Variants in DZIP3 observed in about 807,000 individuals in gnomAD.
DZIP3 encodes DAZ interacting zinc finger protein 3, also known as E3 ubiquitin-protein ligase DZIP3.
A neutral mutation model predicts 162.0 loss-of-function variants in DZIP3; 118 were observed. The ratio of observed to expected loss-of-function variants is 0.73; its 90% CI spans 0.63 to 0.85. The LOEUF (loss-of-function observed/expected upper bound fraction) is 0.85, where lower values mean the gene tolerates loss of function less well. Ranked by LOEUF, DZIP3 falls within the 40% of genes least tolerant of loss-of-function variation. DZIP3 has a pLI of 0.00. For synonymous variants in DZIP3, 438 were observed against 458.6 expected (o/e 0.96, Z 0.57); for missense variants, 1,331 against 1,407.0 (o/e 0.95, Z 0.86).
intron 8 of DZIP3, 30 bp from the exon 9 acceptor site, chr3:108,632,923 A>G: frequency 8.1e-7 from 1 of 1,233,522 alleles, no homozygotes; most frequent in Non-Finnish European, 1.1e-6. Flanking sequence ...TTAGTAATTC[A>G]TGAGAATTCT....
chr3:108,675,699 T>C, intron 24 of DZIP3, 87 bp from the exon 25 acceptor site: 7 of 1,154,766 alleles, frequency 6.1e-6, no homozygotes, highest in Non-Finnish European at 6.0e-6. Context: ...TGTTGACATA[T>C]ATGCTAGAAA....
At chr3:108,599,267 A>G (rs1176675909) in intron 1 of DZIP3, among the ~76,000 whole-genome samples, 1 of 152,194 alleles carries the variant, frequency 6.6e-6, no homozygotes, top group Non-Finnish European at 1.5e-5. Flanking sequence ...ACTTTTGCAA[A>G]GATTTTTCCA....
At chr3:108,690,980 C>CACATAGTTT in intron 32 of DZIP3, 77 bp downstream of exon 32, 1 of 1,238,062 alleles carries the variant, frequency 8.1e-7, no homozygotes, top group Non-Finnish European at 1.2e-6. Flanking sequence ...AAACTATGTG[C>CACATAGTTT]TCTTCAATAT....
chr3:108,661,853 A>G (rs781221241), intron 19 of DZIP3, 24 bp from the exon 20 acceptor site: 39 of 1,575,832 alleles, frequency 2.5e-5, no homozygotes, highest in Non-Finnish European at 3.4e-5. Flanking sequence ...AAAATAATAC[A>G]TGCATATTTC....
rs372386158 is a variant in DZIP3, at chr3:108,662,079, T to C, written c.2296-51T>C. The C allele has an allele frequency of 3.8e-6, 6 of 1,568,546 alleles. No homozygotes were observed. The African/African-American group carries it at 8.3e-5, about 22-fold the overall frequency. On this transcript the variant is annotated intron_variant, in intron 20 of 32. Coordinates refer to ENST00000361582, the MANE Select transcript of DZIP3 (RefSeq NM_014648.4). ...AACTTAGTTTGCTTTTTTCTTTCAA[T>C]TTCTGGTGACTTGAACATAATTATC...
chr3:108,690,445 T>C (rs1944650635), intron 31 of DZIP3, among the ~76,000 whole-genome samples: 1 of 152,212 alleles, frequency 6.6e-6, no homozygotes, highest in Non-Finnish European at 1.5e-5. Context: ...TATGACTTTT[T>C]CTGGATTATA....
chr3:108,688,167 A>T, intron 29 of DZIP3, 71 bp downstream of exon 29: 1 of 1,563,366 alleles, frequency 6.4e-7, no homozygotes, highest in Non-Finnish European at 8.7e-7. Flanking sequence ...TGTTTTAAAT[A>T]TCTCCATAAC....
intron 18 of DZIP3, among the ~76,000 whole-genome samples, chr3:108,653,538 T>C (rs1357730013): frequency 6.9e-6 from 1 of 145,434 alleles, no homozygotes; most frequent in Non-Finnish European, 1.5e-5. Flanking sequence ...TATATATATA[T>C]ATATGTAGTA....
chr3:108,594,923 C>G (rs1340953667), intron 1 of DZIP3, among the ~76,000 whole-genome samples: 1 of 152,060 alleles, frequency 6.6e-6, no homozygotes, highest in East Asian at 1.9e-4. Context: ...AAGACAGTAG[C>G]TAAAGTAAAC....
intron 21 of DZIP3, among the ~76,000 whole-genome samples, chr3:108,668,127 G>A (rs1943757433): frequency 6.6e-6 from 1 of 152,040 alleles, no homozygotes; most frequent in African/African-American, 2.4e-5. Context: ...TTTGGTATGT[G>A]CAGTAAATGT....
intron 11 of DZIP3, among the ~76,000 whole-genome samples, chr3:108,637,290 G>A (rs1467182679): frequency 6.6e-6 from 1 of 151,992 alleles, no homozygotes; most frequent in African/African-American, 2.4e-5. Context: ...GTGATATAAA[G>A]TAGAACTGCT....
intron 8 of DZIP3, among the ~76,000 whole-genome samples, chr3:108,631,055 ACTCTCTCTCTCT>A (rs1270598841): frequency 5.6e-5 from 1 of 18,006 alleles, no homozygotes. Context: ...ACACACACAC[ACTCTCTCTCTCT>A]CTCTCTCTCT....
chr3:108,662,980 G>C (rs1359001252), intron 21 of DZIP3, among the ~76,000 whole-genome samples: 1 of 152,180 alleles, frequency 6.6e-6, no homozygotes, highest in Admixed American at 6.5e-5. Flanking sequence ...AGGGAGAATA[G>C]AAAAGTGCTT....
chr3:108,658,713 G>C (rs1280360547), intron 19 of DZIP3, among the ~76,000 whole-genome samples: 82 of 152,146 alleles, frequency 5.4e-4, no homozygotes, highest in African/African-American at 1.9e-3. Context: ...CTGGTTTTTT[G>C]AAAAGATCAA....
At chr3:108,673,283 C>T (rs1220331971) in intron 23 of DZIP3, among the ~76,000 whole-genome samples, 1 of 151,900 alleles carries the variant, frequency 6.6e-6, no homozygotes, top group Non-Finnish European at 1.5e-5. Context: ...TAGCAGAGTA[C>T]TTGGGATCCT....
intron 8 of DZIP3, among the ~76,000 whole-genome samples, chr3:108,631,051 A>ACTCTCTCTCTCT (rs1431834911): frequency 9.3e-4 from 39 of 41,988 alleles, no homozygotes; most frequent in South Asian, 1.3e-3. Context: ...ACACACACAC[A>ACTCTCTCTCTCT]CACACTCTCT....
intron 20 of DZIP3, 61 bp downstream of exon 20, chr3:108,662,033 T>G: frequency 6.3e-7 from 1 of 1,579,726 alleles, no homozygotes; most frequent in Non-Finnish European, 8.6e-7. Flanking sequence ...TTAAACTTAC[T>G]GGTGCTTTCT....
chr3:108,622,874 C>CTT (rs1461934139), intron 5 of DZIP3, among the ~76,000 whole-genome samples: 1 of 105,186 alleles, frequency 9.5e-6, no homozygotes, highest in African/African-American at 3.5e-5. Flanking sequence ...CTCTCTCTCT[C>CTT]TCTCTCTGTG....
At chr3:108,654,108 A>G (rs752353218) in intron 18 of DZIP3, 37 bp from the exon 19 acceptor site, 20 of 1,600,428 alleles carry the variant, frequency 1.2e-5, no homozygotes, top group African/African-American at 2.7e-5. Flanking sequence ...TTACTATACA[A>G]TTGTAAAAGC....
Sources: gnomAD v4.1 joint callset for allele counts (sites outside exome capture counted in the v4.1 genomes callset) on GRCh38, gnomAD v4.1.1 for gene constraint, MANE v1.5 for transcripts, NCBI Gene and HGNC (gene_info 2026-07-23, HGNC 2026-07-21) for gene names.